Variants in DGKI observed in about 807,000 individuals in gnomAD.
The protein encoded by DGKI is diacylglycerol kinase iota, also known as DAG kinase iota.
In DGKI, 55 loss-of-function variants were observed where a neutral mutation model predicts 147.5. The ratio of observed to expected loss-of-function variants is 0.37; its 90% CI spans 0.30 to 0.47. The LOEUF is 0.47. Among genes scored for constraint, DGKI ranks in the 20% least tolerant of loss-of-function variants. DGKI has a pLI of 1.00. For missense variants in DGKI, 1,007 were observed against 1,323.8 expected (o/e 0.76, Z 3.71); for synonymous variants, 469 against 477.1 (o/e 0.98, Z 0.22).
chr7:137,594,470 C>G (rs1267565464), intron 12 of DGKI, among the ~76,000 whole-genome samples: 2 of 152,202 alleles, frequency 1.3e-5, no homozygotes, highest in African/African-American at 2.4e-5. Flanking sequence ...AAATAATACT[C>G]TTAATTTAAA....
At chr7:137,779,398 A>T (rs1332886685) in intron 1 of DGKI, among the ~76,000 whole-genome samples, 1 of 152,240 alleles carries the variant, frequency 6.6e-6, no homozygotes, top group African/African-American at 2.4e-5. Flanking sequence ...TTTAGAAGAA[A>T]ACAGAAGAAG....
At chr7:137,845,253 TCCA>T (rs1798676030) in intron 1 of DGKI, among the ~76,000 whole-genome samples, 2 of 152,148 alleles carry the variant, frequency 1.3e-5, no homozygotes, top group Non-Finnish European at 2.9e-5. Context: ...GACTGTGGCC[TCCA>T]GGCCAGGCGA....
chr7:137,601,981 T>C (rs975363660), intron 10 of DGKI, among the ~76,000 whole-genome samples: 1 of 152,164 alleles, frequency 6.6e-6, no homozygotes, highest in African/African-American at 2.4e-5. Context: ...AATTCAAACA[T>C]AGACTTAGAT....
Position 137,739,377 on chromosome 7 carries a change from G to A in DGKI, c.402-49375C>T, listed in dbSNP as rs151188555. Among the ~76,000 whole-genome samples, 54 of 152,206 alleles carry A rather than the reference G, an allele frequency of 3.5e-4. 1 individual carries two copies. In the East Asian group the frequency reaches 6.0e-3, roughly 17 times the overall value. ...TTCCTCATCTCTAAAATGAAAAGAC[G>A]GGCAAAATAAATTCTAAACCTCCTT... On this transcript the variant is annotated intron_variant, in intron 1 of 32. Coordinates refer to ENST00000614521, the MANE Select transcript of DGKI (RefSeq NM_001321708.2).
At position 137,577,282 on chromosome 7, in the gene DGKI, T is replaced by A. The variant is rs752212253; in HGVS notation, c.1701A>T (p.Ala567=). The part of the protein sequence containing the change: ...RFRNKMFYAG[A]AFSDFLQRSS... ...TTCTCTGTAGGAAGTCAGAAAAAGC[T>A]GCCTATACCACAGGGAAATAAAGAA... Residue 567 remains alanine, a splice_region_variant and synonymous_variant, in exon 17 of 33, where the codon GCA becomes GCT. Coordinates refer to ENST00000614521, the MANE Select transcript of DGKI (RefSeq NM_001321708.2). The A allele has an allele frequency of 6.3e-7, 1 of 1,596,102 alleles. No homozygotes were observed. The highest frequency in any genetic ancestry group is 1.1e-5 in the South Asian group (1 of 89,124).
intron 1 of DGKI, among the ~76,000 whole-genome samples, chr7:137,815,078 A>T (rs1166889137): frequency 2.6e-5 from 4 of 152,108 alleles, no homozygotes; most frequent in African/African-American, 4.8e-5. Context: ...AAAAAAAACT[A>T]AATAATATTG....
At chr7:137,818,602 C>T (rs531051524) in intron 1 of DGKI, among the ~76,000 whole-genome samples, 15 of 152,194 alleles carry the variant, frequency 9.9e-5, no homozygotes, top group Non-Finnish European at 7.4e-5. Flanking sequence ...CCACCATGCC[C>T]GGCTAATTTT....
intron 20 of DGKI, among the ~76,000 whole-genome samples, chr7:137,549,561 G>A (rs1817977635): frequency 6.6e-6 from 1 of 152,082 alleles, no homozygotes. Flanking sequence ...CTCAAGTAAA[G>A]GAAAAAAGAA....
chr7:137,528,702 T>A (rs1218835073), intron 20 of DGKI, among the ~76,000 whole-genome samples: 1 of 152,160 alleles, frequency 6.6e-6, no homozygotes, highest in Non-Finnish European at 1.5e-5. Context: ...AATTCAGTAT[T>A]TGCTATTCCA....
intron 21 of DGKI, among the ~76,000 whole-genome samples, chr7:137,492,617 G>C (rs562454759): frequency 6.6e-6 from 1 of 152,270 alleles, no homozygotes; most frequent in East Asian, 1.9e-4. Flanking sequence ...TAGTTGCTTA[G>C]AGAGGTGGTA....
rs533855884 is a variant in DGKI, at chr7:137,471,464, C to A, written c.2374-1845G>T. Among the ~76,000 whole-genome samples the A allele has an allele frequency of 1.1e-4, 17 of 152,254 alleles. No homozygotes were observed. In the East Asian group the frequency reaches 2.7e-3, roughly 24 times the overall value. ...GAGTTAATCAACACTCCCTGCTGCCCTACTTGATCCTCAAATAAAGCCTGG... is the reference window on the plus strand; with the variant it reads ...GAGTTAATCAACACTCCCTGCTGCCATACTTGATCCTCAAATAAAGCCTGG... On this transcript the variant is annotated intron_variant, in intron 23 of 32. Transcript: ENST00000614521.
chr7:137,608,311 C>T (rs543648791), intron 10 of DGKI, among the ~76,000 whole-genome samples: 3 of 152,122 alleles, frequency 2.0e-5, no homozygotes, highest in Non-Finnish European at 4.4e-5. Flanking sequence ...GGAAGATAAT[C>T]GGATGAAGAG....
chr7:137,682,161 AACTT>A (rs1474392623), intron 2 of DGKI, among the ~76,000 whole-genome samples: 1 of 151,812 alleles, frequency 6.6e-6, no homozygotes, highest in African/African-American at 2.4e-5. Flanking sequence ...GGGGGTCCCG[AACTT>A]GCAACTGATG....
At chr7:137,677,343 A>G (rs905898949) in intron 3 of DGKI, among the ~76,000 whole-genome samples, 6 of 152,200 alleles carry the variant, frequency 3.9e-5, no homozygotes, top group African/African-American at 1.4e-4. Flanking sequence ...TCTCAATGTC[A>G]CACACTGAGC....
intron 1 of DGKI, among the ~76,000 whole-genome samples, chr7:137,755,938 C>T (rs1346713044): frequency 6.6e-6 from 1 of 152,172 alleles, no homozygotes; most frequent in African/African-American, 2.4e-5. Flanking sequence ...TAATGGGTAA[C>T]CAAGCATGTC....
In DGKI at chr7:137,689,910, G is replaced by T; in HGVS notation, c.494C>A (p.Ala165Glu). The T allele has an allele frequency of 6.3e-7, 1 of 1,594,672 alleles. No homozygotes were observed. Among genetic ancestry groups the T allele is most frequent in the Non-Finnish European group, 8.5e-7 (1 of 1,171,962 alleles). Reference sequence around the variant, plus strand: ...AACACCTACACTCCAGTCCAAAGTCGCTCTGGGCTCCTTGGCTGGACCATT... The same window carrying T: ...AACACCTACACTCCAGTCCAAAGTCTCTCTGGGCTCCTTGGCTGGACCATT... ...VANGPAKEPRATLDWSENAVN... is the reference protein window; with the variant it reads ...VANGPAKEPRETLDWSENAVN... Residue 165 changes from alanine to glutamate, a missense_variant, in exon 2 of 33, where the codon GCG (alanine) becomes GAG (glutamate). Ala to Glu is a moderately radical substitution (Grantham distance 107, BLOSUM62 -1). Coordinates refer to ENST00000614521, the MANE Select transcript of DGKI (RefSeq NM_001321708.2).
chr7:137,395,523 A>G, intron 32 of DGKI, 75 bp downstream of exon 32: 2 of 1,383,436 alleles, frequency 1.4e-6, no homozygotes, highest in South Asian at 1.2e-5. Context: ...TGTCCGTGCT[A>G]TGGTCACAAG....
At chr7:137,725,891 C>A (rs542309699) in intron 1 of DGKI, among the ~76,000 whole-genome samples, 5 of 152,200 alleles carry the variant, frequency 3.3e-5, no homozygotes, top group East Asian at 1.9e-4. Context: ...TGATTTCTTT[C>A]GTTTTCTTTT....
intron 15 of DGKI, among the ~76,000 whole-genome samples, chr7:137,578,621 T>TAA (rs1819068988): frequency 6.6e-6 from 1 of 152,200 alleles, no homozygotes; most frequent in East Asian, 1.9e-4. Flanking sequence ...TTAGAATGAC[T>TAA]TGAGTGTGGA....
Sources: allele counts gnomAD v4.1 joint callset (sites outside exome capture counted in the v4.1 genomes callset), GRCh38; gene constraint gnomAD v4.1.1; transcripts MANE v1.5; gene names NCBI Gene and HGNC (gene_info 2026-07-23, HGNC 2026-07-21).